The following SHTN1 variants were observed in gnomAD, a reference collection of about 807,000 sequenced individuals.
SHTN1 encodes shootin-1.
Under a neutral mutation model 83.1 loss-of-function variants are expected in SHTN1, and 42 were observed. The ratio of observed to expected loss-of-function variants is 0.51; its 90% CI spans 0.39 to 0.65. The LOEUF (loss-of-function observed/expected upper bound fraction) is 0.65. Among genes scored for constraint, SHTN1 ranks in the 30% least tolerant of loss-of-function variants. The pLI, the probability that SHTN1 is intolerant of heterozygous loss-of-function variation, is 0.00. For missense variants in SHTN1, 622 were observed against 737.8 expected, an observed-to-expected ratio of 0.84 and a Z score of 1.82; for synonymous variants, 224 against 247.7, an observed-to-expected ratio of 0.90 and a Z score of 0.90.
At chr10:116,993,866 T>C (rs1031378322) in intron 1 of SHTN1, among the ~76,000 whole-genome samples, 3 of 152,166 alleles carry the variant, frequency 2.0e-5, no homozygotes, top group African/African-American at 4.8e-5. Context: ...ACTGAGTATA[T>C]AGATCATTTT....
chr10:116,951,819 T>C (rs1212958762), intron 6 of SHTN1, 90 bp downstream of exon 6: 4 of 542,896 alleles, frequency 7.4e-6, no homozygotes, highest in African/African-American at 1.9e-5. Flanking sequence ...ATGTTAGAAA[T>C]TGGCTTATAA....
intron 9 of SHTN1, among the ~76,000 whole-genome samples, chr10:116,932,302 C>T (rs768691913): frequency 3.3e-5 from 5 of 152,156 alleles, no homozygotes; most frequent in Admixed American, 6.5e-5. Flanking sequence ...GCAAGCATTA[C>T]CGCCTGAGCT....
chr10:117,025,496 C>T (rs1343873459), intron 2 of SHTN1, among the ~76,000 whole-genome samples: 1 of 152,120 alleles, frequency 6.6e-6, no homozygotes, highest in African/African-American at 2.4e-5. Context: ...CTAAGTGAGT[C>T]CTAGTGCTGA....
chr10:116,970,263 T>C (rs1001713648), intron 2 of SHTN1, among the ~76,000 whole-genome samples: 3 of 152,184 alleles, frequency 2.0e-5, no homozygotes, highest in African/African-American at 7.2e-5. Context: ...ACTCAGCAAT[T>C]CTACTTCTAG....
intron 3 of SHTN1, among the ~76,000 whole-genome samples, chr10:116,964,479 C>A (rs1366639026): frequency 6.6e-6 from 1 of 152,182 alleles, no homozygotes; most frequent in Non-Finnish European, 1.5e-5. Context: ...GCTTCTAGAG[C>A]AAATCTCTCC....
At chr10:117,064,792 A>C (rs1331762060) in intron 1 of SHTN1, among the ~76,000 whole-genome samples, 1 of 152,168 alleles carries the variant, frequency 6.6e-6, no homozygotes, top group Admixed American at 6.5e-5. Flanking sequence ...AGCGATCTAA[A>C]TTGAACCTTA....
At chr10:117,050,379 G>C (rs1410391763) in intron 1 of SHTN1, among the ~76,000 whole-genome samples, 2 of 151,916 alleles carry the variant, frequency 1.3e-5, no homozygotes, top group Admixed American at 6.6e-5. Flanking sequence ...GAAATCACGA[G>C]AATGACTGGA....
chr10:117,100,177 C>T (rs1853569457), intron 1 of SHTN1, among the ~76,000 whole-genome samples: 1 of 151,968 alleles, frequency 6.6e-6, no homozygotes, highest in African/African-American at 2.4e-5. Context: ...AACTCCGTCT[C>T]AAAAAATAAA....
intron 1 of SHTN1, among the ~76,000 whole-genome samples, chr10:117,055,045 A>T (rs1852808045): frequency 6.6e-6 from 1 of 152,182 alleles, no homozygotes; most frequent in African/African-American, 2.4e-5. Context: ...GGAAACTTAA[A>T]ATCATGGCAG....
chr10:116,895,799 A>G (rs1008081597), intron 16 of SHTN1, among the ~76,000 whole-genome samples: 1 of 152,256 alleles, frequency 6.6e-6, no homozygotes, highest in Admixed American at 6.5e-5. Context: ...AATGTCAGTT[A>G]GAAGTGTAAT....
intron 16 of SHTN1, among the ~76,000 whole-genome samples, chr10:116,891,960 T>G (rs1847354515): frequency 6.6e-6 from 1 of 152,176 alleles, no homozygotes; most frequent in Admixed American, 6.6e-5. Context: ...GTGGAAAAAG[T>G]AGATTTAATT....
intron 1 of SHTN1, among the ~76,000 whole-genome samples, chr10:117,112,865 T>C (rs1466696206): frequency 6.6e-6 from 1 of 152,260 alleles, no homozygotes; most frequent in African/African-American, 2.4e-5. Flanking sequence ...TAGTTACATA[T>C]ATGATTTATC....
chr10:117,059,644 A>G (rs1852871752), intron 1 of SHTN1, among the ~76,000 whole-genome samples: 1 of 152,236 alleles, frequency 6.6e-6, no homozygotes. Flanking sequence ...GTATGATTCC[A>G]TTTGTATAAG....
chr10:117,087,155 G>A (rs1275846605), intron 1 of SHTN1, among the ~76,000 whole-genome samples: 2 of 149,266 alleles, frequency 1.3e-5, no homozygotes, highest in East Asian at 2.0e-4. Context: ...ATAAGCAATA[G>A]GTTTAGTTGT....
chr10:117,112,771 C>T (rs1853786800), intron 1 of SHTN1, among the ~76,000 whole-genome samples: 1 of 152,272 alleles, frequency 6.6e-6, no homozygotes, highest in South Asian at 2.1e-4. Flanking sequence ...TCATCCTTAG[C>T]ATATTAGCAA....
chr10:117,069,444 GA>G (rs967788845), intron 1 of SHTN1, among the ~76,000 whole-genome samples: 16 of 152,072 alleles, frequency 1.1e-4, no homozygotes, highest in South Asian at 2.1e-4. Context: ...GTGGAACTGA[GA>G]AAGATTTTGG....
At chr10:116,889,725 C>G (rs1314165099) in intron 16 of SHTN1, among the ~76,000 whole-genome samples, 1 of 152,222 alleles carries the variant, frequency 6.6e-6, no homozygotes, top group East Asian at 1.9e-4. Flanking sequence ...CTCCTAGAAA[C>G]AGGAGGCTAC....
intron 1 of SHTN1, among the ~76,000 whole-genome samples, chr10:117,081,500 TTTGG>T (rs1355669863): frequency 7.0e-6 from 1 of 143,730 alleles, no homozygotes; most frequent in African/African-American, 2.6e-5. Context: ...AATTCTCTTT[TTTGG>T]TTGTGTCTCT....
At chr10:117,018,507 TAAAA>T (rs749150327) in intron 2 of SHTN1, among the ~76,000 whole-genome samples, 6,845 of 129,334 alleles carry the variant, frequency 0.053, 185 homozygotes, top group Middle Eastern at 0.067. Flanking sequence ...GTATTTTTTT[TAAAA>T]AAAAAAAAAA....
Sources: allele counts gnomAD v4.1 joint callset (sites outside exome capture counted in the v4.1 genomes callset), GRCh38; gene constraint gnomAD v4.1.1; transcripts MANE v1.5; gene names NCBI Gene and HGNC (gene_info 2026-07-23, HGNC 2026-07-21).